LCN2: variants seen among roughly 807,000 people sequenced by gnomAD.
The protein encoded by LCN2 is neutrophil gelatinase-associated lipocalin.
Under a neutral mutation model 26.4 loss-of-function variants are expected in LCN2, and 27 were observed. The observed-to-expected ratio is 1.02, with a 90% CI of 0.76 to 1.41. LCN2 has a LOEUF of 1.41. Among genes scored for constraint, LCN2 ranks in the 40% most tolerant of loss-of-function variants. The pLI, the probability that LCN2 is intolerant of heterozygous loss-of-function variation, is 0.00. For missense variants in LCN2, 224 were observed against 237.6 expected (o/e 0.94, Z 0.38); for synonymous variants, 94 against 98.9 (o/e 0.95, Z 0.30).
intron 2 of LCN2, chr9:128,150,628 G>A: frequency 1.6e-6 from 1 of 639,748 alleles, no homozygotes; most frequent in South Asian, 1.5e-5. Context: ...CGGGAGGAGG[G>A]GACACTGGAT....
chr9:128,150,218 C>T lies in LCN2; in HGVS notation c.139-20C>T. ...TCCTAGGGCCATTCCTGGGTTGTGC[C>T]TCTTATCAGTCCCTTGCAGTTCCAG... On this transcript the variant is annotated intron_variant, in intron 1 of 6. Coordinates refer to ENST00000277480, the MANE Select transcript of LCN2 (RefSeq NM_005564.5). The T allele has an allele frequency of 1.2e-6, 2 of 1,608,356 alleles. No homozygotes were observed. Among genetic ancestry groups the T allele is most frequent in the Non-Finnish European group, 1.7e-6 (2 of 1,176,852 alleles).
chr9:128,150,986 G>A (rs976726038), intron 2 of LCN2, among the ~76,000 whole-genome samples: 3 of 152,230 alleles, frequency 2.0e-5, no homozygotes, highest in East Asian at 1.9e-4. Context: ...AAGCGGGGCC[G>A]TCACAGGTGT....
chr9:128,149,809 G>T, intron 1 of LCN2, 146 bp downstream of exon 1: 1 of 946,948 alleles, frequency 1.1e-6, no homozygotes, highest in East Asian at 2.6e-5. Flanking sequence ...TGCCACCAGG[G>T]TCCCCTGGTG....
intron 2 of LCN2, 182 bp downstream of exon 2, chr9:128,150,556 G>A (rs1201447583): frequency 1.9e-5 from 15 of 788,154 alleles, no homozygotes; most frequent in Non-Finnish European, 2.8e-5. Context: ...CACAGACAGT[G>A]GTGGGGATGG....
intron 2 of LCN2, among the ~76,000 whole-genome samples, chr9:128,150,983 G>A (rs1388358089): frequency 6.6e-6 from 1 of 152,222 alleles, no homozygotes; most frequent in South Asian, 2.1e-4. Flanking sequence ...GTGAAGCGGG[G>A]CCGTCACAGG....
At chr9:128,150,714 A>G (rs1834998350) in intron 2 of LCN2, 1 of 486,734 alleles carries the variant, frequency 2.1e-6, no homozygotes, top group East Asian at 5.6e-5. Context: ...ACCTGCTTCA[A>G]AAGGAAATGT....
At position 128,151,675 on chromosome 9, in the gene LCN2, C is replaced by T; in HGVS notation, c.313C>T (p.Pro105Ser). ...TGACTACTGGATCAGGACTTTTGTT[C>T]CAGGTTGCCAGCCCGGCGAGTTCAC... is the stretch of plus-strand genomic sequence containing the variant. ...KCDYWIRTFVPGCQPGEFTLG... is the reference protein window; with the variant it reads ...KCDYWIRTFVSGCQPGEFTLG... Residue 105 changes from proline (P) to serine (S), a missense_variant, in exon 3 of 7, where the codon CCA becomes TCA. Pro to Ser is a moderately conservative substitution (Grantham distance 74, BLOSUM62 -1). Transcript: ENST00000277480. The T allele has an allele frequency of 6.2e-7, 1 of 1,614,086 alleles. No individual in the cohort carries two copies. Among genetic ancestry groups the T allele is most frequent in the Non-Finnish European group, 8.5e-7 (1 of 1,179,942 alleles).
At chr9:128,150,449 T>A in intron 2 of LCN2, 75 bp downstream of exon 2, 2 of 1,586,000 alleles carry the variant, frequency 1.3e-6, no homozygotes, top group Non-Finnish European at 1.7e-6. Context: ...AGCTGAGGGA[T>A]CCTGTCGTTC....
chr9:128,151,678 G>C lies in LCN2; in HGVS notation c.316G>C (p.Gly106Arg). 6.2e-7 allele frequency: 1 copy of C among 1,614,108 alleles called. No individual in the cohort carries two copies. The highest frequency in any genetic ancestry group is 8.5e-7 in the Non-Finnish European group (1 of 1,179,966). ...CDYWIRTFVP[G>R]CQPGEFTLGN... ...CTACTGGATCAGGACTTTTGTTCCA[G>C]GTTGCCAGCCCGGCGAGTTCACGCT... Residue 106 changes from glycine to arginine, a missense_variant, in exon 3 of 7, where the codon GGT (glycine) becomes CGT (arginine). Physicochemically the swap from Gly to Arg is moderately radical, Grantham distance 125 (BLOSUM62 -2). Coordinates refer to ENST00000277480, the MANE Select transcript of LCN2 (RefSeq NM_005564.5).
intron 5 of LCN2, 127 bp from the exon 6 acceptor site, chr9:128,152,973 G>GGGCCAGGTGGGGCAGGGGCT: frequency 7.7e-7 from 1 of 1,304,726 alleles, no homozygotes; most frequent in Non-Finnish European, 1.1e-6. Flanking sequence ...TTCTGCAGCT[G>GGGCCAGGTGGGGCAGGGGCT]GGCCAGGTGG....
At position 128,150,708 on chromosome 9, in the gene LCN2, G is replaced by A. The variant is rs539011712; in HGVS notation, c.275+334G>A. 970 of 496,170 alleles carry A rather than the reference G, an allele frequency of 2.0e-3. 1 individual carries two copies. Among genetic ancestry groups the A allele is most frequent in the Admixed American group, 3.4e-3 (147 of 43,040 alleles). The allele number at this position is 496,170 out of a possible 1,614,324, so 30.7% of individuals were successfully genotyped here. A position where few individuals can be genotyped will look rare whatever the true frequency, so the allele number is the denominator to read the frequency against. Reference sequence around the variant, plus strand: ...GAGGTGGCCTTAAAAGAGCCAACCTGCTTCAAAAGGAAATGTGGGGTGTTC... The same window carrying A: ...GAGGTGGCCTTAAAAGAGCCAACCTACTTCAAAAGGAAATGTGGGGTGTTC... On this transcript the variant is annotated intron_variant, in intron 2 of 6. Transcript: ENST00000277480.
At chr9:128,152,369 G>A in intron 5 of LCN2, 85 bp downstream of exon 5, 1 of 1,198,400 alleles carries the variant, frequency 8.3e-7, no homozygotes, top group Non-Finnish European at 1.2e-6. Flanking sequence ...GGAGAGGAGG[G>A]ACTCCGTCCT....
chr9:128,152,171 T>A lies in LCN2; in HGVS notation c.476-12T>A, dbSNP rs192207047. 34 of 1,613,434 alleles carry A rather than the reference T, an allele frequency of 2.1e-5. No individual in the cohort carries two copies. Among genetic ancestry groups the A allele is most frequent in the Non-Finnish European group, 2.6e-5 (31 of 1,179,464 alleles). On this transcript the variant is annotated splice_polypyrimidine_tract_variant and intron_variant, in intron 4 of 6. Coordinates refer to ENST00000277480, the MANE Select transcript of LCN2 (RefSeq NM_005564.5). ...GTGTCTGCCAGCCACTCACTGGCCATCTTGGTCACAGGGAGAACCAAGGAG... is the reference window on the plus strand; with the variant it reads ...GTGTCTGCCAGCCACTCACTGGCCAACTTGGTCACAGGGAGAACCAAGGAG...
In LCN2 at chr9:128,150,060, G is replaced by A. The variant is rs2232624; in HGVS notation, c.139-178G>A. On this transcript the variant is annotated intron_variant, in intron 1 of 6. Coordinates refer to ENST00000277480, the MANE Select transcript of LCN2 (RefSeq NM_005564.5). ...GCCTCTTCCCCCAGGACTCCCTTCT[G>A]GACTGATGGCCTCCTGCTCCTGCCC... Among the ~76,000 whole-genome samples, 11,486 of 152,058 alleles carry A rather than the reference G, an allele frequency of 0.076. 843 individuals carry two copies. Among genetic ancestry groups the A allele is most frequent in the East Asian group, 0.43 (2,229 of 5,128 alleles).
rs746216339 is a variant in LCN2, at chr9:128,149,626, G to A, written c.101G>A (p.Ser34Asn). The change falls in exon 1 of 7, where the codon AGC (serine) becomes AAC (asparagine). Residue 34 changes from serine to asparagine, a missense_variant. Physicochemically the swap from Ser to Asn is conservative, Grantham distance 46. Coordinates refer to ENST00000277480, the MANE Select transcript of LCN2 (RefSeq NM_005564.5). ...GACCTGATCCCAGCCCCACCTCTGA[G>A]CAAGGTCCCTCTGCAGCAGAACTTC... The part of the protein sequence containing the change: ...TSDLIPAPPL[S>N]KVPLQQNFQD... The A allele has an allele frequency of 6.2e-7, 1 of 1,613,972 alleles. No homozygotes were observed. Among genetic ancestry groups the A allele is most frequent in the Non-Finnish European group, 8.5e-7 (1 of 1,179,954 alleles).
At chr9:128,152,988 G>A in intron 5 of LCN2, 112 bp from the exon 6 acceptor site, 3 of 1,505,180 alleles carry the variant, frequency 2.0e-6, no homozygotes, top group Admixed American at 1.7e-5. Context: ...AGGTGGGGCA[G>A]GGGCTGCCCA....
chr9:128,149,763 T>TC, intron 1 of LCN2, 100 bp downstream of exon 1: 4 of 1,439,794 alleles, frequency 2.8e-6, no homozygotes, highest in Non-Finnish European at 3.8e-6. Flanking sequence ...TGGGCAGGAC[T>TC]CTAGGAGTCC....
At position 128,151,716 on chromosome 9, in the gene LCN2, G is replaced by A. The variant is rs1335613924; in HGVS notation, c.354G>A (p.Lys118=). 1 of 1,613,932 alleles carries A rather than the reference G, an allele frequency of 6.2e-7. No homozygotes were observed. The highest frequency in any genetic ancestry group is 8.5e-7 in the Non-Finnish European group (1 of 1,179,820). Residue 118 remains lysine (K), a splice_region_variant and synonymous_variant, in exon 3 of 7, where the codon AAG becomes AAA. Coordinates refer to ENST00000277480, the MANE Select transcript of LCN2 (RefSeq NM_005564.5). Reference sequence around the variant, plus strand: ...GCGAGTTCACGCTGGGCAACATTAAGAGTGAGTCTTGAGTGAGGTGGGGCA... The same window carrying A: ...GCGAGTTCACGCTGGGCAACATTAAAAGTGAGTCTTGAGTGAGGTGGGGCA... The part of the protein sequence containing the change: ...QPGEFTLGNI[K]SYPGLTSYLV...
At position 128,153,443 on chromosome 9, in the gene LCN2, GT is replaced by G; in HGVS notation, c.*141del. On this transcript the variant is annotated 3_prime_UTR_variant, in exon 7 of 7. Coordinates refer to ENST00000277480, the MANE Select transcript of LCN2 (RefSeq NM_005564.5). This position sits in a 1 kb window ranked among gnomAD's most constrained non-coding sequence, Gnocchi z 5.4. ...CCCACCTTGTCTGCTAAATAAACATGTGCCCTCAGGCCTCTGAGTCTACACT... is the reference window on the plus strand; with the variant it reads ...CCCACCTTGTCTGCTAAATAAACATGGCCCTCAGGCCTCTGAGTCTACACT... 1 of 484,148 alleles carries G rather than the reference GT, an allele frequency of 2.1e-6. No individual in the cohort carries two copies. The highest frequency in any genetic ancestry group is 3.8e-6 in the Non-Finnish European group (1 of 261,662). 30.0% of individuals were successfully genotyped at this position (484,148 alleles called of 1,614,324 possible). A position where few individuals can be genotyped will look rare whatever the true frequency, so the allele number is the denominator to read the frequency against.
Sources: allele counts gnomAD v4.1 joint callset (sites outside exome capture counted in the v4.1 genomes callset), GRCh38; gene constraint gnomAD v4.1.1; non-coding constraint Gnocchi (gnomAD v3.1); transcripts MANE v1.5; gene names NCBI Gene and HGNC (gene_info 2026-07-23, HGNC 2026-07-21).